The following PDGFC variants were observed in gnomAD, a reference collection of about 807,000 sequenced individuals.
PDGFC encodes the protein platelet derived growth factor C.
In PDGFC, 12 loss-of-function variants were observed where a neutral mutation model predicts 35.5. That is an observed-to-expected ratio of 0.34 (90% confidence interval 0.22 to 0.55). The LOEUF is 0.55. PDGFC is among the 20% of genes least tolerant of loss of function. PDGFC has a pLI of 0.91. For missense variants in PDGFC, 322 were observed against 412.4 expected, an observed-to-expected ratio of 0.78 and a Z score of 1.90; for synonymous variants, 159 against 148.8, an observed-to-expected ratio of 1.07 and a Z score of -0.50.
chr4:156,962,666 G>C (rs1422427205), intron 1 of PDGFC, among the ~76,000 whole-genome samples: 2 of 152,138 alleles, frequency 1.3e-5, no homozygotes, highest in Non-Finnish European at 2.9e-5. Flanking sequence ...TATGAAGGAA[G>C]AGGCACGTGG....
chr4:156,793,715 C>T (rs28434274), intron 3 of PDGFC, among the ~76,000 whole-genome samples: 11,062 of 151,312 alleles, frequency 0.073, 1,341 homozygotes, highest in African/African-American at 0.25. Flanking sequence ...GACCTTAAAA[C>T]AAAGGTAACA....
chr4:156,926,515 A>G (rs1731418135), intron 1 of PDGFC, among the ~76,000 whole-genome samples: 1 of 152,104 alleles, frequency 6.6e-6, no homozygotes, highest in Non-Finnish European at 1.5e-5. Context: ...CATTCCAGCA[A>G]CATTTGGAAC....
chr4:156,851,930 C>CAAAAAAAAAAAAAAAAA (rs61505882), intron 1 of PDGFC, among the ~76,000 whole-genome samples: 51 of 47,848 alleles, frequency 1.1e-3, no homozygotes, highest in African/African-American at 1.7e-3. Flanking sequence ...GACTCCATCT[C>CAAAAAAAAAAAAAAAAA]AAAAAAAAAA....
rs1034859111 is a variant in PDGFC at position 156,762,074 on chromosome 4, T to A, written c.*1016A>T. ...AATGGAAGATATGATAATTTAATTA[T>A]TTTCAAAAAGTCTTTGCAACTTACC... On this transcript the variant is annotated 3_prime_UTR_variant, in exon 6 of 6. Coordinates refer to ENST00000502773, the MANE Select transcript of PDGFC (RefSeq NM_016205.3). The A allele has an allele frequency of 7.9e-5, 12 of 152,652 alleles. No homozygotes were observed. Among genetic ancestry groups the A allele is most frequent in the African/African-American group, 2.2e-4 (9 of 41,476 alleles). 9.5% of individuals were successfully genotyped at this position (152,652 alleles called of 1,614,324 possible).
intron 1 of PDGFC, among the ~76,000 whole-genome samples, chr4:156,936,506 A>T (rs1219659977): frequency 2.6e-5 from 4 of 152,210 alleles, no homozygotes; most frequent in Non-Finnish European, 5.9e-5. Context: ...GGAACCTACC[A>T]ATCCCAGCAC....
Position 156,763,109 on chromosome 4 carries a change from C to G in PDGFC, c.1019G>C (p.Arg340Thr), listed in dbSNP as rs754603971. The change falls in exon 6 of 6, where the codon AGA becomes ACA. Residue 340 changes from arginine to threonine, a missense_variant. Coordinates refer to ENST00000502773, the MANE Select transcript of PDGFC (RefSeq NM_016205.3). ...EHHEECDCVC[R>T]GSTGG ...ATGCGGCTATCCTCCTGTGCTCCCT[C>G]TGCACACACAGTCACACTCCTCATG... 1 of 1,601,286 alleles carries G rather than the reference C, an allele frequency of 6.2e-7. No individual in the cohort carries two copies. The highest frequency in any genetic ancestry group is 8.6e-7 in the Non-Finnish European group (1 of 1,168,386).
rs1453381251 is a variant in PDGFC at position 156,970,913 on chromosome 4, T to G, written c.-10A>C. ...GCCCGAAGAGGCTCATTTGGCTGAC[T>G]GGGGTGAGAGCTCACTCACGGCGGG... is the stretch of plus-strand genomic sequence containing the variant. On this transcript the variant is annotated 5_prime_UTR_variant, in exon 1 of 6. Coordinates refer to ENST00000502773, the MANE Select transcript of PDGFC (RefSeq NM_016205.3). 3 of 1,585,028 alleles carry G rather than the reference T, an allele frequency of 1.9e-6. No homozygotes were observed. Among genetic ancestry groups the G allele is most frequent in the Admixed American group, 1.7e-5 (1 of 59,942 alleles).
At chr4:156,802,436 A>T (rs1731638444) in intron 3 of PDGFC, among the ~76,000 whole-genome samples, 1 of 152,082 alleles carries the variant, frequency 6.6e-6, no homozygotes, top group Non-Finnish European at 1.5e-5. Flanking sequence ...CTGTTAATGA[A>T]ATTGCCAGAT....
chr4:156,818,567 C>A (rs935987535), intron 2 of PDGFC, among the ~76,000 whole-genome samples: 37 of 128,850 alleles, frequency 2.9e-4, no homozygotes, highest in Non-Finnish European at 1.2e-4. Flanking sequence ...GTCGCCCAGG[C>A]TGGAGTGCAG....
chr4:156,825,643 A>AGAG (rs1560828526), intron 2 of PDGFC, among the ~76,000 whole-genome samples: 6 of 146,382 alleles, frequency 4.1e-5, no homozygotes, highest in Non-Finnish European at 9.0e-5. Context: ...AAGAAGAAGA[A>AGAG]AAGAAAGAAG....
At chr4:156,764,254 G>T (rs772665898) in intron 5 of PDGFC, among the ~76,000 whole-genome samples, 3 of 152,132 alleles carry the variant, frequency 2.0e-5, no homozygotes, top group Non-Finnish European at 2.9e-5. Context: ...TCTATTTAAA[G>T]ACTTAAAAGA....
At chr4:156,922,176 G>GTT (rs1731300313) in intron 1 of PDGFC, among the ~76,000 whole-genome samples, 1 of 151,616 alleles carries the variant, frequency 6.6e-6, no homozygotes, top group Non-Finnish European at 1.5e-5. Context: ...GTGTGTGTGT[G>GTT]TGTGTGTGTG....
At chr4:156,845,769 G>A (rs6536209) in intron 2 of PDGFC, among the ~76,000 whole-genome samples, 12,909 of 151,684 alleles carry the variant, frequency 0.085, 1,820 homozygotes, top group African/African-American at 0.29. Flanking sequence ...CACTTTATTA[G>A]TAAGTTAAAT....
intron 2 of PDGFC, among the ~76,000 whole-genome samples, chr4:156,824,327 T>TATATATATACACATATACACATAC (rs1491500876): frequency 6.2e-4 from 64 of 102,722 alleles, no homozygotes; most frequent in South Asian, 2.0e-3. Context: ...TATATATATA[T>TATATATATACACATATACACATAC]ACACACACAC....
intron 3 of PDGFC, among the ~76,000 whole-genome samples, chr4:156,808,166 T>C (rs1050500725): frequency 1.2e-4 from 19 of 152,002 alleles, no homozygotes; most frequent in Admixed American, 1.2e-3. Flanking sequence ...ATATAATAAA[T>C]AGGAAGGTAG....
chr4:156,849,882 G>A (rs941957259), intron 2 of PDGFC, among the ~76,000 whole-genome samples: 2 of 151,872 alleles, frequency 1.3e-5, no homozygotes, highest in South Asian at 2.1e-4. Context: ...AGCAGTAACC[G>A]CAACTTTGGT....
In PDGFC at chr4:156,877,476, G is replaced by GT. The variant is rs527308760; in HGVS notation, c.119-27061dup. On this transcript the variant is annotated intron_variant, in intron 1 of 5. Coordinates refer to ENST00000502773, the MANE Select transcript of PDGFC (RefSeq NM_016205.3). ...TTATAATAGGGTAAGTAATGACTAT[G>GT]TAAGTTATTTTTATAAAAAAATTCT... Among the ~76,000 whole-genome samples, 610 of 152,192 alleles carry GT rather than the reference G, an allele frequency of 4.0e-3. 1 individual carries two copies. The highest frequency in any genetic ancestry group is 0.014 in the African/African-American group (586 of 41,540).
chr4:156,826,229 G>A (rs917773918), intron 2 of PDGFC, among the ~76,000 whole-genome samples: 1 of 106,588 alleles, frequency 9.4e-6, no homozygotes, highest in Non-Finnish European at 1.7e-5. Flanking sequence ...TTTCACTCTC[G>A]TTGCCCAGGC....
chr4:156,919,229 C>T (rs1443531414), intron 1 of PDGFC, among the ~76,000 whole-genome samples: 1 of 152,122 alleles, frequency 6.6e-6, no homozygotes, highest in Non-Finnish European at 1.5e-5. Context: ...ACTAATCTTA[C>T]TATAAATTTA....
Sources: gnomAD v4.1 joint callset for allele counts (sites outside exome capture counted in the v4.1 genomes callset) on GRCh38, gnomAD v4.1.1 for gene constraint, MANE v1.5 for transcripts, NCBI Gene and HGNC (gene_info 2026-07-23, HGNC 2026-07-21) for gene names.